KIAA1217: variants seen among roughly 807,000 people sequenced by gnomAD.
KIAA1217 encodes KIAA1217.
A neutral mutation model predicts 163.9 loss-of-function variants in KIAA1217; 88 were observed. That is an observed-to-expected ratio of 0.54 (90% confidence interval 0.45 to 0.64). The LOEUF is 0.64. KIAA1217 is among the 30% of genes least tolerant of loss of function. KIAA1217 has a pLI of 0.00. For missense variants in KIAA1217, 2,372 were observed against 2,475.0 expected, an observed-to-expected ratio of 0.96 and a Z score of 0.88; for synonymous variants, 903 against 923.1, an observed-to-expected ratio of 0.98 and a Z score of 0.39.
chr10:23,982,529 T>TTCTCTC (rs59075123), intron 1 of KIAA1217, among the ~76,000 whole-genome samples: 5,688 of 73,494 alleles, frequency 0.077, 872 homozygotes, highest in East Asian at 0.16. Context: ...TGTTTTTTGT[T>TTCTCTC]TCTCTCTCTC....
chr10:24,460,208 T>C (rs887159046), intron 5 of KIAA1217, among the ~76,000 whole-genome samples: 1 of 152,330 alleles, frequency 6.6e-6, no homozygotes, highest in African/African-American at 2.4e-5. Context: ...TTACATTTTT[T>C]CATAACTAAT....
At chr10:23,847,816 C>T (rs1182793050) in intron 1 of KIAA1217, among the ~76,000 whole-genome samples, 1 of 151,946 alleles carries the variant, frequency 6.6e-6, no homozygotes, top group Non-Finnish European at 1.5e-5. Flanking sequence ...GTTAGGGTGT[C>T]GATTTTAGAT....
chr10:24,036,461 T>G (rs892106052), intron 2 of KIAA1217, among the ~76,000 whole-genome samples: 1 of 152,166 alleles, frequency 6.6e-6, no homozygotes, highest in Non-Finnish European at 1.5e-5. Context: ...GCAGCTGCAT[T>G]TGGAACAGGG....
Position 24,158,455 on chromosome 10 carries a change from T to A in KIAA1217, c.-170-61171T>A. On this transcript the variant is annotated intron_variant, in intron 2 of 18. Transcript: ENST00000376462. ...ACACATGATGTCTAACACAGGAAAT[T>A]GAATGTATATTCATTATCAGTCTAA... 3 of 551,602 alleles carry A rather than the reference T, an allele frequency of 5.4e-6. No individual in the cohort carries two copies. The Admixed American group carries it at 5.9e-5, about 11-fold the overall frequency. The allele number at this position is 551,602 out of a possible 1,614,324, so 34.2% of individuals were successfully genotyped here. A position where few individuals can be genotyped will look rare whatever the true frequency, so the allele number is the denominator to read the frequency against.
intron 1 of KIAA1217, among the ~76,000 whole-genome samples, chr10:23,944,250 C>A (rs1214111917): frequency 1.3e-5 from 2 of 152,092 alleles, no homozygotes; most frequent in Non-Finnish European, 2.9e-5. Flanking sequence ...CATGGGGAAA[C>A]CCCATATCTA....
chr10:23,726,913 C>T (rs1159544777), intron 1 of KIAA1217, among the ~76,000 whole-genome samples: 4 of 149,956 alleles, frequency 2.7e-5, no homozygotes, highest in African/African-American at 9.8e-5. Flanking sequence ...ACCAGAATCT[C>T]AATACTGCTA....
intron 2 of KIAA1217, among the ~76,000 whole-genome samples, chr10:24,163,769 G>C (rs2065224847): frequency 1.3e-5 from 2 of 152,156 alleles, no homozygotes; most frequent in South Asian, 4.1e-4. Context: ...TGCATGGGTG[G>C]CAATTTGGCC....
At chr10:23,862,488 A>G (rs1276325163) in intron 1 of KIAA1217, among the ~76,000 whole-genome samples, 1 of 152,226 alleles carries the variant, frequency 6.6e-6, no homozygotes, top group Non-Finnish European at 1.5e-5. Context: ...TTGACCAACC[A>G]GAGCTTTTAT....
In KIAA1217 at chr10:23,947,096, G is replaced by A. The variant is rs556847179; in HGVS notation, c.-320-60129G>A. On this transcript the variant is annotated intron_variant, in intron 1 of 18. Transcript: ENST00000376462. ...GTTTGCTTCCCCTTCTGCCATGATT[G>A]TAAGTTTCCTGAGGCCTCCCCAGCC... 7.9e-5 allele frequency among the ~76,000 whole-genome samples: 12 copies of A among 152,280 alleles called. No individual in the cohort carries two copies. In the South Asian group the frequency reaches 2.3e-3, roughly 29 times the overall value.
At chr10:24,074,232 C>T (rs1317101377) in intron 2 of KIAA1217, among the ~76,000 whole-genome samples, 2 of 151,940 alleles carry the variant, frequency 1.3e-5, no homozygotes, top group Non-Finnish European at 2.9e-5. Flanking sequence ...GCCTGTAATC[C>T]CAGTTACTCA....
Position 24,195,957 on chromosome 10 carries a change from C to T in KIAA1217, c.-170-23669C>T, listed in dbSNP as rs116277602. 4.3e-3 allele frequency among the ~76,000 whole-genome samples: 649 copies of T among 151,730 alleles called. 6 individuals carry two copies. Among genetic ancestry groups the T allele is most frequent in the African/African-American group, 0.015 (607 of 41,168 alleles). On this transcript the variant is annotated intron_variant, in intron 2 of 18. Coordinates refer to the KIAA1217 transcript ENST00000376462. ...TATTCTGGGCAGCACAGCAAGATTC[C>T]ATGTCTACAGAAATTTTTTTTTACA... is the stretch of plus-strand genomic sequence containing the variant.
rs369544770 is a variant in KIAA1217 at position 24,543,055 on chromosome 10, C to T, written c.3785C>T (p.Thr1262Ile). 1.9e-6 allele frequency: 3 copies of T among 1,613,560 alleles called. No individual in the cohort carries two copies. The African/African-American group carries it at 4.0e-5, about 22-fold the overall frequency. The change falls in exon 19 of 21, where the codon ACT (threonine) becomes ATT (isoleucine). Residue 1262 changes from threonine to isoleucine, a missense_variant. This residue lies in a region of KIAA1217 where 251 missense variants were observed against 327.3 expected (regional missense o/e 0.77). Coordinates refer to ENST00000376454, the MANE Select transcript of KIAA1217 (RefSeq NM_019590.5). ...GACAGTAGAAACTATTCCCAGGAAA[C>T]TGTGCCTAAGGCCAGTTTCGGTTTC... ...LRDSRNYSQE[T>I]VPKASFGFSG...
intron 1 of KIAA1217, among the ~76,000 whole-genome samples, chr10:23,731,342 C>CA (rs1373420193): frequency 4.6e-5 from 7 of 152,110 alleles, no homozygotes; most frequent in Non-Finnish European, 8.8e-5. Context: ...GTCCCCTGTA[C>CA]AAAAAACAGT....
intron 2 of KIAA1217, among the ~76,000 whole-genome samples, chr10:24,196,135 A>AATCTC (rs2066977001): frequency 8.6e-5 from 6 of 69,460 alleles, no homozygotes; most frequent in Admixed American, 7.7e-4. Context: ...CCCTGTCTCA[A>AATCTC]AACACACACA....
At chr10:24,078,990 T>C (rs2061455556) in intron 2 of KIAA1217, among the ~76,000 whole-genome samples, 1 of 152,204 alleles carries the variant, frequency 6.6e-6, no homozygotes, top group African/African-American at 2.4e-5. Context: ...AGGTTTCTCA[T>C]GGGTGTGTTG....
chr10:24,100,206 A>G (rs1029524844), intron 2 of KIAA1217, among the ~76,000 whole-genome samples: 5 of 151,646 alleles, frequency 3.3e-5, no homozygotes, highest in Admixed American at 6.6e-5. Flanking sequence ...TATGTTAGTT[A>G]GGTTGGTAAT....
At chr10:24,523,229 G>T (rs1592647237) in intron 12 of KIAA1217, among the ~76,000 whole-genome samples, 1 of 152,080 alleles carries the variant, frequency 6.6e-6, no homozygotes, top group African/African-American at 2.4e-5. Context: ...GGCTGAGGCA[G>T]GAAGATCTCT....
chr10:24,032,647 C>T (rs1848235075), intron 2 of KIAA1217, among the ~76,000 whole-genome samples: 1 of 152,150 alleles, frequency 6.6e-6, no homozygotes, highest in South Asian at 2.1e-4. Context: ...AGTAAGAGGT[C>T]ATGCCCACTA....
At chr10:23,831,612 A>G (rs977704736) in intron 1 of KIAA1217, among the ~76,000 whole-genome samples, 32 of 152,126 alleles carry the variant, frequency 2.1e-4, no homozygotes, top group African/African-American at 6.8e-4. Context: ...GGAATGTAAT[A>G]TGTGTATTAA....
Sources: allele counts gnomAD v4.1 joint callset (sites outside exome capture counted in the v4.1 genomes callset), GRCh38; gene constraint gnomAD v4.1.1; regional missense constraint gnomAD v4.1.1; transcripts MANE v1.5; gene names NCBI Gene and HGNC (gene_info 2026-07-23, HGNC 2026-07-21).